Variants in CALN1 observed in about 807,000 individuals in gnomAD.
CALN1 encodes the protein calneuron 1.
In CALN1, 17 loss-of-function variants were observed where a neutral mutation model predicts 30.6. The ratio of observed to expected loss-of-function variants is 0.56; its 90% CI spans 0.38 to 0.83. CALN1 has a LOEUF of 0.83. CALN1 is among the 40% of genes least tolerant of loss of function. The probability of loss-of-function intolerance (pLI) is 0.00; values close to 1 mark genes in which losing one functional copy is unlikely to be tolerated. For synonymous variants in CALN1, 156 were observed against 131.4 expected, an observed-to-expected ratio of 1.19 and a Z score of -1.28; for missense variants, 291 against 354.9, an observed-to-expected ratio of 0.82 and a Z score of 1.45.
At chr7:72,367,059 A>G (rs1803919680) in intron 2 of CALN1, among the ~76,000 whole-genome samples, 1 of 152,206 alleles carries the variant, frequency 6.6e-6, no homozygotes. Flanking sequence ...ATGTTGAGTC[A>G]AAGACGACAG....
chr7:72,348,254 CA>C (rs1802745504), intron 2 of CALN1, among the ~76,000 whole-genome samples: 2 of 152,178 alleles, frequency 1.3e-5, no homozygotes, highest in Admixed American at 1.3e-4. Flanking sequence ...AATTGGACAG[CA>C]GATAGTACAG....
intron 6 of CALN1, among the ~76,000 whole-genome samples, chr7:71,801,375 G>C: frequency 7.8e-6 from 1 of 128,696 alleles, no homozygotes; most frequent in South Asian, 2.7e-4. Context: ...ACCATGCCTG[G>C]TTATGTATGT....
At chr7:72,116,688 G>A (rs1048487839) in intron 3 of CALN1, among the ~76,000 whole-genome samples, 4 of 152,172 alleles carry the variant, frequency 2.6e-5, no homozygotes, top group African/African-American at 9.7e-5. Flanking sequence ...GTTAAGATGA[G>A]AATCTAGTGT....
chr7:72,364,100 T>C (rs995327927), intron 2 of CALN1, among the ~76,000 whole-genome samples: 1 of 152,022 alleles, frequency 6.6e-6, no homozygotes, highest in South Asian at 2.1e-4. Context: ...TGGAGAAAAT[T>C]TGAAAACTCT....
At chr7:72,328,049 T>A (rs1342965184) in intron 2 of CALN1, among the ~76,000 whole-genome samples, 1 of 152,170 alleles carries the variant, frequency 6.6e-6, no homozygotes, top group Non-Finnish European at 1.5e-5. Flanking sequence ...GTATTGAGAA[T>A]GAGAGTGAAG....
intron 2 of CALN1, among the ~76,000 whole-genome samples, chr7:72,299,336 C>A (rs1367925931): frequency 2.6e-5 from 4 of 152,064 alleles, no homozygotes; most frequent in African/African-American, 9.7e-5. Context: ...CCTAGAAATT[C>A]TACTTAATGC....
At chr7:72,066,274 C>A (rs1174040624) in intron 4 of CALN1, among the ~76,000 whole-genome samples, 8 of 152,206 alleles carry the variant, frequency 5.3e-5, no homozygotes, top group African/African-American at 1.4e-4. Flanking sequence ...CTTTTCAACA[C>A]AATAAAGTGG....
At chr7:72,198,371 C>A (rs1016020369) in intron 3 of CALN1, among the ~76,000 whole-genome samples, 1 of 152,134 alleles carries the variant, frequency 6.6e-6, no homozygotes, top group African/African-American at 2.4e-5. Flanking sequence ...GGCAAAGGAT[C>A]GCAGGTACCT....
Position 72,366,620 on chromosome 7 carries a change from T to C in CALN1, c.119+36631A>G, listed in dbSNP as rs537304781. On this transcript the variant is annotated intron_variant, in intron 2 of 6. Transcript: ENST00000395275. ...ACATTGTACCTAATATGTAGTTTTT[T>C]AGCCCTGGCCCCCTTCCATCCTCCC... is the stretch of plus-strand genomic sequence containing the variant. Among the ~76,000 whole-genome samples, 4 of 152,264 alleles carry C rather than the reference T, an allele frequency of 2.6e-5. No individual in the cohort carries two copies. In the South Asian group the frequency reaches 8.3e-4, roughly 32 times the overall value.
chr7:71,998,606 G>A (rs1180338026), intron 5 of CALN1, among the ~76,000 whole-genome samples: 2 of 146,118 alleles, frequency 1.4e-5, no homozygotes, highest in Admixed American at 6.9e-5. Flanking sequence ...GTCTCACTCT[G>A]TTCCCCAGGC....
intron 3 of CALN1, among the ~76,000 whole-genome samples, chr7:72,256,365 T>C (rs502865): frequency 6.6e-6 from 1 of 151,896 alleles, no homozygotes; most frequent in Non-Finnish European, 1.5e-5. Context: ...GAGGCTGAGG[T>C]AGGAAGATCA....
At chr7:72,029,865 C>T (rs1801325920) in intron 4 of CALN1, among the ~76,000 whole-genome samples, 1 of 152,322 alleles carries the variant, frequency 6.6e-6, no homozygotes, top group Middle Eastern at 3.4e-3. Flanking sequence ...GTTATGTGAA[C>T]TGCTCTAGTA....
chr7:71,891,594 G>C (rs1793242129), intron 5 of CALN1, among the ~76,000 whole-genome samples: 1 of 152,166 alleles, frequency 6.6e-6, no homozygotes. Context: ...CTATTACATA[G>C]GGTTCTTGAG....
chr7:71,981,898 T>C (rs1584672829), intron 5 of CALN1, among the ~76,000 whole-genome samples: 1 of 152,090 alleles, frequency 6.6e-6, no homozygotes, highest in Non-Finnish European at 1.5e-5. Context: ...GTGGTGGTGG[T>C]ACGAGAGTCG....
At chr7:72,360,546 G>A (rs975974649) in intron 2 of CALN1, among the ~76,000 whole-genome samples, 10 of 151,256 alleles carry the variant, frequency 6.6e-5, no homozygotes, top group African/African-American at 1.2e-4. Context: ...ACCTTGGAGG[G>A]GTGGAATGAA....
chr7:72,047,747 C>T (rs115974296), intron 4 of CALN1, among the ~76,000 whole-genome samples: 2,981 of 152,236 alleles, frequency 0.02, 94 homozygotes, highest in African/African-American at 0.067. Context: ...AAACCCATGA[C>T]GTGGCAGCCA....
chr7:72,212,851 A>G (rs1330656457), intron 3 of CALN1, among the ~76,000 whole-genome samples: 1 of 152,238 alleles, frequency 6.6e-6, no homozygotes, highest in Non-Finnish European at 1.5e-5. Flanking sequence ...GTATTTCTAA[A>G]TAACCAGTCT....
intron 5 of CALN1, among the ~76,000 whole-genome samples, chr7:71,893,304 C>T (rs564836982): frequency 1.3e-5 from 2 of 152,236 alleles, no homozygotes; most frequent in Admixed American, 1.3e-4. Context: ...AGAAGGCCTC[C>T]CACTACAAAG....
chr7:72,074,296 CT>C, intron 4 of CALN1, among the ~76,000 whole-genome samples: 1 of 152,206 alleles, frequency 6.6e-6, no homozygotes, highest in Non-Finnish European at 1.5e-5. Context: ...AAGACACAGT[CT>C]GATATAGGTC....
Sources: allele counts gnomAD v4.1 joint callset (sites outside exome capture counted in the v4.1 genomes callset), GRCh38; gene constraint gnomAD v4.1.1; transcripts MANE v1.5; gene names NCBI Gene and HGNC (gene_info 2026-07-23, HGNC 2026-07-21).